The following PTPRO variants were observed in gnomAD, a reference collection of about 807,000 sequenced individuals.
PTPRO encodes the protein protein tyrosine phosphatase receptor type O.
In PTPRO, 62 loss-of-function variants were observed where a neutral mutation model predicts 145.2. That is an observed-to-expected ratio of 0.43 (90% CI 0.35 to 0.53). The LOEUF (loss-of-function observed/expected upper bound fraction) is 0.53, where lower values mean the gene tolerates loss of function less well. Ranked by LOEUF, PTPRO falls within the 20% of genes least tolerant of loss-of-function variation. The pLI, the probability that PTPRO is intolerant of heterozygous loss-of-function variation, is 0.01. For missense variants in PTPRO, 1,345 were observed against 1,482.7 expected, an observed-to-expected ratio of 0.91 and a Z score of 1.53; for synonymous variants, 565 against 514.7, an observed-to-expected ratio of 1.10 and a Z score of -1.32.
At position 15,328,754 on chromosome 12, in the gene PTPRO, CTT is replaced by C. The variant is rs140511556; in HGVS notation, c.75+5955_75+5956del. On this transcript the variant is annotated intron_variant, in intron 1 of 26. Coordinates refer to ENST00000281171, the MANE Select transcript of PTPRO (RefSeq NM_030667.3). ...TAAATGTATTTTCTTATCAAATACT[CTT>C]TATCTATTTGGTTTTTCACTCTTTA... Among the ~76,000 whole-genome samples the C allele has an allele frequency of 3.2e-3, 483 of 152,242 alleles. 2 individuals are homozygous for C. Among genetic ancestry groups the C allele is most frequent in the African/African-American group, 0.011 (470 of 41,542 alleles).
rs80328816 is a variant in PTPRO, at chr12:15,546,539, A to G, written c.2165-30A>G. ...AAGAAAGAATACACTTAGTAAATTA[A>G]ATTTTTTTTAAAACTTTGTCTTTGC... On this transcript the variant is annotated intron_variant, in intron 12 of 26. Coordinates refer to ENST00000281171, the MANE Select transcript of PTPRO (RefSeq NM_030667.3). 1.1e-3 allele frequency: 1,714 copies of G among 1,555,588 alleles called. 27 individuals are homozygous for G. The East Asian group carries it at 0.039, about 35-fold the overall frequency.
chr12:15,585,129 C>A (rs1944404015), intron 23 of PTPRO, among the ~76,000 whole-genome samples: 1 of 152,186 alleles, frequency 6.6e-6, no homozygotes, highest in Admixed American at 6.5e-5. Context: ...AATCACCTTG[C>A]ACTTTTTAAC....
At chr12:15,326,020 C>G (rs1324918340) in intron 1 of PTPRO, among the ~76,000 whole-genome samples, 1 of 152,098 alleles carries the variant, frequency 6.6e-6, no homozygotes, top group Non-Finnish European at 1.5e-5. Context: ...ATATTTAATT[C>G]TATAATACAT....
At chr12:15,535,203 T>C (rs1282136388) in intron 12 of PTPRO, among the ~76,000 whole-genome samples, 1 of 152,114 alleles carries the variant, frequency 6.6e-6, no homozygotes, top group Non-Finnish European at 1.5e-5. Context: ...AAATGATTAT[T>C]GGATATCCCG....
chr12:15,371,650 C>T (rs949459411), intron 1 of PTPRO, among the ~76,000 whole-genome samples: 2 of 152,092 alleles, frequency 1.3e-5, no homozygotes, highest in South Asian at 4.2e-4. Flanking sequence ...CGTGTATATA[C>T]AATCTTTTTT....
At chr12:15,408,686 C>T (rs181394901) in intron 1 of PTPRO, among the ~76,000 whole-genome samples, 130 of 152,292 alleles carry the variant, frequency 8.5e-4, no homozygotes, top group Admixed American at 2.7e-3. Flanking sequence ...CCTTGCCCTC[C>T]CAAAGTGCTG....
chr12:15,361,652 A>C (rs1205265998), intron 1 of PTPRO, among the ~76,000 whole-genome samples: 3 of 152,120 alleles, frequency 2.0e-5, no homozygotes. Context: ...CAGTGCGTTT[A>C]GTTTGCGGAA....
intron 2 of PTPRO, among the ~76,000 whole-genome samples, chr12:15,495,078 G>A (rs1421176296): frequency 2.0e-5 from 3 of 152,094 alleles, no homozygotes; most frequent in Non-Finnish European, 2.9e-5. Flanking sequence ...GACATGGTAC[G>A]TAAGTGAGTT....
intron 25 of PTPRO, among the ~76,000 whole-genome samples, chr12:15,593,252 C>T (rs1481775239): frequency 2.0e-5 from 3 of 152,082 alleles, no homozygotes; most frequent in East Asian, 1.9e-4. Flanking sequence ...CAGTGATGTT[C>T]GAAATATTAA....
chr12:15,346,630 T>C (rs1867224313), intron 1 of PTPRO: 1 of 152,236 alleles, frequency 6.6e-6, no homozygotes, highest in South Asian at 2.1e-4. Flanking sequence ...AATGGTCTAT[T>C]TGGTGTAGAT....
intron 1 of PTPRO, among the ~76,000 whole-genome samples, chr12:15,386,022 G>A (rs1185154585): frequency 6.6e-6 from 1 of 152,024 alleles, no homozygotes; most frequent in Non-Finnish European, 1.5e-5. Flanking sequence ...CACACTAACA[G>A]TAGAGTTCAC....
At chr12:15,436,684 T>G (rs754665022) in intron 1 of PTPRO, among the ~76,000 whole-genome samples, 26 of 152,220 alleles carry the variant, frequency 1.7e-4, no homozygotes, top group Non-Finnish European at 3.8e-4. Flanking sequence ...GGATGCCATT[T>G]TAAATCTGGG....
intron 7 of PTPRO, 116 bp from the exon 8 acceptor site, chr12:15,515,382 C>T: frequency 7.2e-7 from 1 of 1,380,072 alleles, no homozygotes; most frequent in Non-Finnish European, 1.0e-6. Context: ...GTAAAGCCTT[C>T]TGGATTTCAA....
chr12:15,390,713 C>G (rs1939165140), intron 1 of PTPRO, among the ~76,000 whole-genome samples: 1 of 152,112 alleles, frequency 6.6e-6, no homozygotes, highest in African/African-American at 2.4e-5. Context: ...TGGGGCAAAG[C>G]TAATTGAAAC....
intron 1 of PTPRO, among the ~76,000 whole-genome samples, chr12:15,415,509 C>T (rs1383799507): frequency 2.6e-5 from 4 of 151,890 alleles, no homozygotes; most frequent in Admixed American, 6.6e-5. Flanking sequence ...CTCAGCCTCC[C>T]GAGTAGCTGG....
intron 12 of PTPRO, among the ~76,000 whole-genome samples, chr12:15,532,302 G>T (rs1323499445): frequency 6.6e-6 from 1 of 151,928 alleles, no homozygotes; most frequent in Non-Finnish European, 1.5e-5. Context: ...GCCTTTTCAT[G>T]ACAACTTTCT....
In PTPRO at chr12:15,439,573, G is replaced by A. The variant is rs1435935186; in HGVS notation, c.76-44401G>A. 2.2e-5 allele frequency: 6 copies of A among 276,642 alleles called. No homozygotes were observed. In the South Asian group the frequency reaches 2.2e-4, roughly 10 times the overall value. The allele number at this position is 276,642 out of a possible 1,614,324, so 17.1% of individuals were successfully genotyped here. On this transcript the variant is annotated intron_variant, in intron 1 of 26. Transcript: ENST00000281171. The stretch of plus-strand genomic sequence containing the variant: ...GCGAGGGGGCCCGGAGGACTCGGGG[G>A]CCCTGGGATGGGGAACCACAGTGGC...
intron 12 of PTPRO, 151 bp downstream of exon 12, chr12:15,526,413 A>T (rs1324647881): frequency 9.4e-7 from 1 of 1,061,494 alleles, no homozygotes; most frequent in African/African-American, 1.6e-5. Flanking sequence ...GCAAAAGGGT[A>T]TGTTCAACTT....
At chr12:15,497,529 T>A in intron 3 of PTPRO, 126 bp downstream of exon 3, 1 of 1,010,578 alleles carries the variant, frequency 9.9e-7, no homozygotes, top group Non-Finnish European at 1.5e-6. Context: ...AATGAGCCAT[T>A]AAAAATAATT....
Sources: gnomAD v4.1 joint callset for allele counts (sites outside exome capture counted in the v4.1 genomes callset) on GRCh38, gnomAD v4.1.1 for gene constraint, MANE v1.5 for transcripts, NCBI Gene and HGNC (gene_info 2026-07-23, HGNC 2026-07-21) for gene names.